The following FSIP2 variants were observed in gnomAD, a reference collection of about 807,000 sequenced individuals.
FSIP2 encodes fibrous sheath-interacting protein 2.
Under a neutral mutation model 510.5 loss-of-function variants are expected in FSIP2, and 367 were observed. The ratio of observed to expected loss-of-function variants is 0.72; its 90% CI spans 0.66 to 0.78. The LOEUF (loss-of-function observed/expected upper bound fraction) is 0.78. FSIP2 is among the 30% of genes least tolerant of loss of function. FSIP2 has a pLI of 0.00. For synonymous variants in FSIP2, 2,601 were observed against 2,732.2 expected (o/e 0.95, Z 1.50); for missense variants, 7,594 against 7,901.7 (o/e 0.96, Z 1.48).
chr2:185,825,198 T>C (rs1285552619), intron 20 of FSIP2, among the ~76,000 whole-genome samples: 1 of 151,854 alleles, frequency 6.6e-6, no homozygotes, highest in African/African-American at 2.4e-5. Context: ...TAAAATAGCA[T>C]TAAGTATGCC....
chr2:185,818,389 G>A (rs1196222258), intron 19 of FSIP2, among the ~76,000 whole-genome samples: 1 of 151,806 alleles, frequency 6.6e-6, no homozygotes, highest in African/African-American at 2.4e-5. Context: ...AGAAGAAATT[G>A]AGAAAGAAAC....
At chr2:185,753,868 A>G in intron 8 of FSIP2, 26 bp downstream of exon 8, 1 of 1,404,594 alleles carries the variant, frequency 7.1e-7, no homozygotes. Flanking sequence ...TTAAAAGATG[A>G]TGTAGCTAAG....
Position 185,803,795 on chromosome 2 carries a change from TAAATG to T in FSIP2, c.14494_14498del (p.Glu4832TyrfsTer8). 1.3e-6 allele frequency: 2 copies of T among 1,516,858 alleles called. No individual in the cohort carries two copies. Among genetic ancestry groups the T allele is most frequent in the Admixed American group, 4.1e-5 (2 of 48,232 alleles). 94.0% of individuals were successfully genotyped at this position (1,516,858 alleles called of 1,614,324 possible). ...TTAAGTAATACAGTGATAAAACTGA[TAAATG>T]AAATTATGTCAATAATTTCAAAACA... On this transcript the variant is annotated frameshift_variant, in exon 17 of 23. Coordinates refer to ENST00000424728, the MANE Select transcript of FSIP2 (RefSeq NM_173651.4). LOFTEE classifies it high-confidence loss of function.
chr2:185,790,690 T>A lies in FSIP2; in HGVS notation c.3554T>A (p.Ile1185Asn). The A allele has an allele frequency of 6.5e-7, 1 of 1,534,102 alleles. No individual in the cohort carries two copies. Among genetic ancestry groups the A allele is most frequent in the Non-Finnish European group, 8.7e-7 (1 of 1,145,482 alleles). Reference sequence around the variant, plus strand: ...ATACTTCATAAGGCATCAAACTACATTTCCAATACCACTAAAAGTTCCATT... The same window carrying A: ...ATACTTCATAAGGCATCAAACTACAATTCCAATACCACTAAAAGTTCCATT... ...LNILHKASNY[I>N]SNTTKSSISS... The change falls in exon 16 of 23, where the codon ATT (isoleucine) becomes AAT (asparagine). Residue 1185 changes from isoleucine (I) to asparagine (N), a missense_variant. Coordinates refer to ENST00000424728, the MANE Select transcript of FSIP2 (RefSeq NM_173651.4).
At position 185,796,760 on chromosome 2, in the gene FSIP2, C is replaced by T. The variant is rs1450874344; in HGVS notation, c.9624C>T (p.Thr3208=). The change falls in exon 16 of 23, where the codon ACC becomes ACT. Residue 3208 remains threonine (T), a synonymous_variant. Transcript: ENST00000424728. ...EKYRVSSDLP[T]SVRSSVEDTV... ...ACAGGGTTTCATCAGATTTACCCAC[C>T]TCTGTCAGATCCTCTGTAGAAGACA... 5.9e-6 allele frequency: 9 copies of T among 1,534,882 alleles called. No homozygotes were observed. Among genetic ancestry groups the T allele is most frequent in the Non-Finnish European group, 6.1e-6 (7 of 1,146,250 alleles).
intron 7 of FSIP2, among the ~76,000 whole-genome samples, chr2:185,751,469 G>GTGTGTGTGTT (rs1692145498): frequency 7.2e-6 from 1 of 137,994 alleles, no homozygotes; most frequent in Admixed American, 7.5e-5. Context: ...TTCTGTGTGT[G>GTGTGTGTGTT]TGTGTGTGTG....
At chr2:185,757,089 A>T (rs2105550149) in intron 9 of FSIP2, among the ~76,000 whole-genome samples, 1 of 151,490 alleles carries the variant, frequency 6.6e-6, no homozygotes, top group South Asian at 2.1e-4. Context: ...ATACCAAAGG[A>T]TTATTTACAA....
chr2:185,791,995 A>T lies in FSIP2; in HGVS notation c.4859A>T (p.Glu1620Val), dbSNP rs1693141914. The T allele has an allele frequency of 6.5e-7, 1 of 1,533,830 alleles. No individual in the cohort carries two copies. Among genetic ancestry groups the T allele is most frequent in the Non-Finnish European group, 8.7e-7 (1 of 1,145,406 alleles). The change falls in exon 16 of 23, where the codon GAA becomes GTA. Residue 1620 changes from glutamate to valine, a missense_variant. Transcript: ENST00000424728. Reference sequence around the variant, plus strand: ...AAGAAAAGCAATAAGATAGGCTGGGAATATGAAAGCACCAATATTTCCAGA... The same window carrying T: ...AAGAAAAGCAATAAGATAGGCTGGGTATATGAAAGCACCAATATTTCCAGA... ...GNKKSNKIGW[E>V]YESTNISRDT...
intron 15 of FSIP2, 82 bp downstream of exon 15, chr2:185,786,370 T>TAA (rs1293805158): frequency 1.1e-6 from 1 of 871,892 alleles, no homozygotes; most frequent in Non-Finnish European, 1.8e-6. Context: ...TTTTGTTAAC[T>TAA]AAGTAATAGG....
Position 185,799,810 on chromosome 2 carries a change from C to T in FSIP2, c.10504C>T (p.Leu3502Phe). 6.5e-7 allele frequency: 1 copy of T among 1,531,148 alleles called. No homozygotes were observed. The highest frequency in any genetic ancestry group is 8.7e-7 in the Non-Finnish European group (1 of 1,143,654). 94.8% of individuals were successfully genotyped at this position (1,531,148 alleles called of 1,614,324 possible). The change falls in exon 17 of 23, where the codon CTC (leucine) becomes TTC (phenylalanine). Residue 3502 changes from leucine to phenylalanine, a missense_variant. Physicochemically the swap from Leu to Phe is conservative, Grantham distance 22. Transcript: ENST00000424728. ...DSSIYQCCEH[L>F]TESVLYHLTS... The stretch of plus-strand genomic sequence containing the variant: ...TTCAATTTATCAATGTTGTGAACAT[C>T]TCACTGAGTCAGTACTTTACCATTT...
Position 185,790,029 on chromosome 2 carries a change from C to T in FSIP2, c.2893C>T (p.Pro965Ser), listed in dbSNP as rs976952141. The change falls in exon 16 of 23, where the codon CCT becomes TCT. Residue 965 changes from proline (P) to serine (S), a missense_variant. Coordinates refer to ENST00000424728, the MANE Select transcript of FSIP2 (RefSeq NM_173651.4). ...QKSRQPRISS[P>S]SDTKEKYRLT... ...AAGTAGGCAACCTAGAATAAGTAGT[C>T]CTTCTGACACCAAAGAAAAGTACAG... The T allele has an allele frequency of 6.5e-7, 1 of 1,533,396 alleles. No individual in the cohort carries two copies. Among genetic ancestry groups the T allele is most frequent in the African/African-American group, 1.4e-5 (1 of 72,812 alleles). The allele number at this position is 1,533,396 out of a possible 1,614,324, so 95.0% of individuals were successfully genotyped here.
Position 185,796,306 on chromosome 2 carries a change from C to T in FSIP2, c.9170C>T (p.Thr3057Ile), listed in dbSNP as rs1461751282. 1 of 1,533,458 alleles carries T rather than the reference C, an allele frequency of 6.5e-7. No homozygotes were observed. The highest frequency in any genetic ancestry group is 1.2e-5 in the South Asian group (1 of 83,832). 95.0% of individuals were successfully genotyped at this position (1,533,458 alleles called of 1,614,324 possible). The change falls in exon 16 of 23, where the codon ACT becomes ATT. Residue 3057 changes from threonine to isoleucine, a missense_variant. Transcript: ENST00000424728. The part of the protein sequence containing the change: ...KMFSDKSESN[T>I]INFKENIQNI... ...TTTTCTGATAAATCCGAGTCAAATA[C>T]TATTAATTTCAAGGAAAACATACAG...
rs1693456466 is a variant in FSIP2, at chr2:185,802,218, C to A, written c.12912C>A (p.His4304Gln). 1 of 1,533,472 alleles carries A rather than the reference C, an allele frequency of 6.5e-7. No homozygotes were observed. The highest frequency in any genetic ancestry group is 1.4e-5 in the African/African-American group (1 of 72,814). The allele number at this position is 1,533,472 out of a possible 1,614,324, so 95.0% of individuals were successfully genotyped here. Residue 4304 changes from histidine (H) to glutamine (Q), a missense_variant, in exon 17 of 23, where the codon CAC becomes CAA. By Grantham distance (24) the His-to-Gln change is conservative. Coordinates refer to ENST00000424728, the MANE Select transcript of FSIP2 (RefSeq NM_173651.4). ...RPQKQSPLDI[H>Q]LDSFVREIVA... The stretch of plus-strand genomic sequence containing the variant: ...AGAAGCAATCACCTTTAGATATTCA[C>A]CTTGATTCATTTGTAAGGGAGATTG...
At chr2:185,754,537 A>G (rs1692206383) in intron 8 of FSIP2, among the ~76,000 whole-genome samples, 1 of 151,338 alleles carries the variant, frequency 6.6e-6, no homozygotes, top group Non-Finnish European at 1.5e-5. Context: ...GCCTCTGTTG[A>G]GTCTTCTTTT....
rs1048479194 is a variant in FSIP2, at chr2:185,801,028, G to C, written c.11722G>C (p.Asp3908His). 13 of 1,531,834 alleles carry C rather than the reference G, an allele frequency of 8.5e-6. No homozygotes were observed. In the African/African-American group the frequency reaches 1.8e-4, roughly 21 times the overall value. 94.9% of individuals were successfully genotyped at this position (1,531,834 alleles called of 1,614,324 possible). The change falls in exon 17 of 23, where the codon GAT (aspartate) becomes CAT (histidine). Residue 3908 changes from aspartate (D) to histidine (H), a missense_variant. By Grantham distance (81) the Asp-to-His change is moderately conservative. Coordinates refer to ENST00000424728, the MANE Select transcript of FSIP2 (RefSeq NM_173651.4). ...AAGTTCTTTAGAACTCAGGAGCTAT[G>C]ATAGTAATTCTTTGACAGTATCCCT... is the stretch of plus-strand genomic sequence containing the variant. Reference protein sequence around the residue: ...SKSSLELRSYDSNSLTVSLNN... With the variant: ...SKSSLELRSYHSNSLTVSLNN...
intron 17 of FSIP2, 83 bp from the exon 18 acceptor site, chr2:185,813,459 TATA>T (rs1693774681): frequency 1.4e-6 from 1 of 726,992 alleles, no homozygotes; most frequent in African/African-American, 1.9e-5. Flanking sequence ...AACTAGAAAT[TATA>T]AGAAAATAGC....
At chr2:185,746,579 A>G in intron 5 of FSIP2, 90 bp from the exon 6 acceptor site, 1 of 969,054 alleles carries the variant, frequency 1.0e-6, no homozygotes, top group Non-Finnish European at 1.4e-6. Flanking sequence ...AAAGGCAAGC[A>G]AGGAAGTGGT....
chr2:185,738,459 G>T (rs1167139596), upstream of FSIP2: 3 of 701,960 alleles, frequency 4.3e-6, no homozygotes, highest in Non-Finnish European at 7.0e-6. Context: ...TGGGGATGGG[G>T]TGTGGTCTAT....
At chr2:185,739,245 A>G (rs1574148547) in intron 1 of FSIP2, 101 bp from the exon 2 acceptor site, 6 of 1,303,158 alleles carry the variant, frequency 4.6e-6, no homozygotes, top group South Asian at 1.5e-5. Context: ...CCCTGATTGT[A>G]TAATTCTTCG....
Sources: gnomAD v4.1 joint callset for allele counts (sites outside exome capture counted in the v4.1 genomes callset) on GRCh38, gnomAD v4.1.1 for gene constraint, MANE v1.5 for transcripts, NCBI Gene and HGNC (gene_info 2026-07-23, HGNC 2026-07-21) for gene names.